The following CLIC4 variants were observed in gnomAD, a reference collection of about 807,000 sequenced individuals.
CLIC4 encodes CLIC family member 4.
In CLIC4, 13 loss-of-function variants were observed where a neutral mutation model predicts 24.6. The ratio of observed to expected loss-of-function variants is 0.53; its 90% CI spans 0.34 to 0.84. The LOEUF is 0.84. CLIC4 is among the 40% of genes least tolerant of loss of function. The pLI, the probability that CLIC4 is intolerant of heterozygous loss-of-function variation, is 0.01. For missense variants in CLIC4, 227 were observed against 301.7 expected (o/e 0.75, Z 1.83); for synonymous variants, 104 against 111.3 (o/e 0.93, Z 0.41).
intron 1 of CLIC4, among the ~76,000 whole-genome samples, chr1:24,747,533 C>CAAAAAA (rs35626709): frequency 1.1e-4 from 10 of 92,534 alleles, no homozygotes; most frequent in East Asian, 3.0e-4. Flanking sequence ...GACTCCATCT[C>CAAAAAA]AAAAAAAAAA....
chr1:24,754,248 G>A (rs947545259), intron 1 of CLIC4, among the ~76,000 whole-genome samples: 5 of 152,184 alleles, frequency 3.3e-5, no homozygotes, highest in African/African-American at 9.7e-5. Flanking sequence ...CTGAGCACAC[G>A]AAAAGCTTAA....
chr1:24,823,865 C>G (rs954893218), intron 3 of CLIC4, among the ~76,000 whole-genome samples: 1 of 151,752 alleles, frequency 6.6e-6, no homozygotes, highest in African/African-American at 2.4e-5. Flanking sequence ...GAGAAAATGC[C>G]TGAGATCTTT....
intron 1 of CLIC4, among the ~76,000 whole-genome samples, chr1:24,785,860 A>G (rs1478865346): frequency 6.7e-6 from 1 of 148,308 alleles, no homozygotes; most frequent in East Asian, 1.9e-4. Context: ...AACTCAAAAA[A>G]AAAAAAAAAA....
At chr1:24,831,837 T>A (rs1639844968) in intron 4 of CLIC4, among the ~76,000 whole-genome samples, 1 of 151,916 alleles carries the variant, frequency 6.6e-6, no homozygotes, top group Non-Finnish European at 1.5e-5. Context: ...CGAGGTCTCA[T>A]CATGTTGGCC....
At chr1:24,764,671 A>G (rs961779760) in intron 1 of CLIC4, among the ~76,000 whole-genome samples, 1 of 151,784 alleles carries the variant, frequency 6.6e-6, no homozygotes, top group African/African-American at 2.4e-5. Context: ...AAAAAAAAAA[A>G]TTCATACTCT....
At chr1:24,835,956 T>C (rs1278145973) in intron 4 of CLIC4, among the ~76,000 whole-genome samples, 1 of 152,238 alleles carries the variant, frequency 6.6e-6, no homozygotes, top group Non-Finnish European at 1.5e-5. Context: ...ATGTTGCTTA[T>C]GTACAAGACT....
chr1:24,840,664 C>T (rs1639932749), intron 5 of CLIC4, 109 bp from the exon 6 acceptor site: 1 of 884,628 alleles, frequency 1.1e-6, no homozygotes, highest in Non-Finnish European at 1.7e-6. Flanking sequence ...CATATAGAAG[C>T]AGTTCTCAAA....
Position 24,786,719 on chromosome 1 carries a change from G to A in CLIC4, c.73-11023G>A, listed in dbSNP as rs560701259. ...TGCAAGCTCTGCCTCCCAGGTTCAC[G>A]CCATTCTCCTGCCTCAGCCTCCCGA... is the stretch of plus-strand genomic sequence containing the variant. On this transcript the variant is annotated intron_variant, in intron 1 of 5. Transcript: ENST00000374379. Among the ~76,000 whole-genome samples, 7 of 152,038 alleles carry A rather than the reference G, an allele frequency of 4.6e-5. No homozygotes were observed. In the East Asian group the frequency reaches 5.8e-4, roughly 13 times the overall value.
At position 24,783,635 on chromosome 1, in the gene CLIC4, G is replaced by A. The variant is rs144261665; in HGVS notation, c.73-14107G>A. 8.1e-3 allele frequency among the ~76,000 whole-genome samples: 1,234 copies of A among 152,226 alleles called. 9 individuals are homozygous for A. Among genetic ancestry groups the A allele is most frequent in the African/African-American group, 0.027 (1,104 of 41,554 alleles). The stretch of plus-strand genomic sequence containing the variant: ...GGAGACTCACTTGAACCCAGTGGGT[G>A]GAGGTTGCAGTGAGTTGAGATTGTG... On this transcript the variant is annotated intron_variant, in intron 1 of 5. Coordinates refer to ENST00000374379, the MANE Select transcript of CLIC4 (RefSeq NM_013943.3).
rs768078941 is a variant in CLIC4 at position 24,745,619 on chromosome 1, C to A, written c.66C>A (p.Phe22Leu). 1.3e-6 allele frequency: 2 copies of A among 1,567,352 alleles called. No homozygotes were observed. Among genetic ancestry groups the A allele is most frequent in the Non-Finnish European group, 8.6e-7 (1 of 1,159,922 alleles). ...ACAAAGAGCCCCTCATCGAGCTCTT[C>A]GTCAAGGTGAGCGCTCGCCTCGCGG... ...EEDKEPLIEL[F>L]VKAGSDGESI... Residue 22 changes from phenylalanine to leucine, a missense_variant, in exon 1 of 6, where the codon TTC (phenylalanine) becomes TTA (leucine). By Grantham distance (22) the Phe-to-Leu change is conservative. Transcript: ENST00000374379.
At chr1:24,795,494 C>CT (rs1450629663) in intron 1 of CLIC4, among the ~76,000 whole-genome samples, 1 of 151,380 alleles carries the variant, frequency 6.6e-6, no homozygotes, top group Admixed American at 6.6e-5. Context: ...TGAGTAACCA[C>CT]TGCACACCAG....
intron 1 of CLIC4, among the ~76,000 whole-genome samples, chr1:24,783,249 C>T (rs1256488346): frequency 1.3e-5 from 2 of 152,122 alleles, no homozygotes; most frequent in Non-Finnish European, 2.9e-5. Flanking sequence ...AAAACTAAGA[C>T]CCAGAGAGGT....
At chr1:24,784,821 T>TGG (rs1476321420) in intron 1 of CLIC4, among the ~76,000 whole-genome samples, 2 of 151,986 alleles carry the variant, frequency 1.3e-5, no homozygotes, top group Non-Finnish European at 2.9e-5. Flanking sequence ...CTGGCTAACC[T>TGG]GGTGAAACCC....
At chr1:24,795,245 T>C (rs969046226) in intron 1 of CLIC4, among the ~76,000 whole-genome samples, 12 of 152,322 alleles carry the variant, frequency 7.9e-5, no homozygotes, top group African/African-American at 2.9e-4. Context: ...ATAAAAGATT[T>C]GTACCACTCT....
At chr1:24,826,893 T>A (rs1484991827) in intron 3 of CLIC4, 117 bp from the exon 4 acceptor site, 10 of 619,202 alleles carry the variant, frequency 1.6e-5, no homozygotes, top group South Asian at 2.3e-5. Context: ...AATGATGGTA[T>A]TTCTTATAGT....
Position 24,842,981 on chromosome 1 carries a change from C to T in CLIC4, c.*2044C>T, listed in dbSNP as rs1371938853. 6.6e-6 allele frequency: 1 copy of T among 151,982 alleles called. No individual in the cohort carries two copies. Among genetic ancestry groups the T allele is most frequent in the Non-Finnish European group, 1.5e-5 (1 of 67,982 alleles). The allele number at this position is 151,982 out of a possible 1,614,324, so 9.4% of individuals were successfully genotyped here. A position where few individuals can be genotyped will look rare whatever the true frequency, so the allele number is the denominator to read the frequency against. On this transcript the variant is annotated 3_prime_UTR_variant, in exon 6 of 6. Coordinates refer to ENST00000374379, the MANE Select transcript of CLIC4 (RefSeq NM_013943.3). ...CCAGTGAATGGTGGACTGAGTGGTG[C>T]GAGGTGGAGGGCTAACAAGAGGAAA...
In CLIC4 at chr1:24,746,720, A is replaced by G. The variant is rs114220632; in HGVS notation, c.72+1095A>G. 6.8e-3 allele frequency among the ~76,000 whole-genome samples: 1,043 copies of G among 152,338 alleles called. 4 individuals are homozygous for G. Among genetic ancestry groups the G allele is most frequent in the African/African-American group, 0.023 (948 of 41,580 alleles). ...ACATTTCAGGATGTGTTTAAGAGATAGAGAAGGGCTGGGCGCGGTGGCTCA... is the reference window on the plus strand; with the variant it reads ...ACATTTCAGGATGTGTTTAAGAGATGGAGAAGGGCTGGGCGCGGTGGCTCA... On this transcript the variant is annotated intron_variant, in intron 1 of 5. Transcript: ENST00000374379.
intron 3 of CLIC4, among the ~76,000 whole-genome samples, chr1:24,822,253 A>G (rs1249647306): frequency 6.6e-6 from 1 of 151,120 alleles, no homozygotes. Flanking sequence ...TCAAGTTTAG[A>G]GGAAAGGTAG....
chr1:24,840,056 G>T lies in CLIC4; in HGVS notation c.597+15G>T. The T allele has an allele frequency of 6.2e-7, 1 of 1,609,624 alleles. No homozygotes were observed. The highest frequency in any genetic ancestry group is 8.5e-7 in the Non-Finnish European group (1 of 1,177,132). Reference sequence around the variant, plus strand: ...ATATTGTCAAGGTAGGTCTGTAGGGGTTGATGTCGCATTGCCATTACCTTG... The same window carrying T: ...ATATTGTCAAGGTAGGTCTGTAGGGTTTGATGTCGCATTGCCATTACCTTG... On this transcript the variant is annotated intron_variant, in intron 5 of 5. Transcript: ENST00000374379.
Sources: gnomAD v4.1 joint callset for allele counts (sites outside exome capture counted in the v4.1 genomes callset) on GRCh38, gnomAD v4.1.1 for gene constraint, MANE v1.5 for transcripts, NCBI Gene and HGNC (gene_info 2026-07-23, HGNC 2026-07-21) for gene names.